The following SCN3B variants were observed in gnomAD, a reference collection of about 807,000 sequenced individuals.
SCN3B encodes sodium voltage-gated channel beta subunit 3.
A neutral mutation model predicts 25.4 loss-of-function variants in SCN3B; 11 were observed. The observed-to-expected ratio is 0.43, with a 90% CI of 0.27 to 0.72. The LOEUF is 0.72. SCN3B is among the 30% of genes least tolerant of loss of function. The probability of loss-of-function intolerance (pLI) is 0.18; values close to 1 mark genes in which losing one functional copy is unlikely to be tolerated. For synonymous variants in SCN3B, 109 were observed against 110.7 expected (o/e 0.99, Z 0.09); for missense variants, 218 against 278.3 (o/e 0.78, Z 1.54).
chr11:123,653,340 T>TA (rs202062260), intron 2 of SCN3B, among the ~76,000 whole-genome samples: 1,837 of 146,098 alleles, frequency 0.013, 16 homozygotes, highest in Non-Finnish European at 0.02. Flanking sequence ...TTTTTTTTTT[T>TA]AATATACAGA....
intron 2 of SCN3B, among the ~76,000 whole-genome samples, chr11:123,648,957 A>G (rs1485026490): frequency 6.6e-6 from 1 of 151,610 alleles, no homozygotes; most frequent in African/African-American, 2.4e-5. Context: ...GGAGCAGCAG[A>G]AGGTTCTGAG....
rs939570830 is a variant in SCN3B at position 123,630,162 on chromosome 11, T to C, written c.*3637A>G. The C allele has an allele frequency of 6.6e-6, 1 of 152,356 alleles. No individual in the cohort carries two copies. The highest frequency in any genetic ancestry group is 1.9e-4 in the East Asian group (1 of 5,200). The allele number at this position is 152,356 out of a possible 1,614,324, so 9.4% of individuals were successfully genotyped here. On this transcript the variant is annotated 3_prime_UTR_variant, in exon 7 of 7. Transcript: ENST00000299333. ...AAGGAAGTCTGGGTGTGTGGGTGTCTGGGAATGGAGAAACTAAAAGGTCAT... is the reference window on the plus strand; with the variant it reads ...AAGGAAGTCTGGGTGTGTGGGTGTCCGGGAATGGAGAAACTAAAAGGTCAT...
At position 123,632,896 on chromosome 11, in the gene SCN3B, T is replaced by A. The variant is rs1026893221; in HGVS notation, c.*903A>T. The A allele has an allele frequency of 2.6e-5, 4 of 152,202 alleles. No homozygotes were observed. The highest frequency in any genetic ancestry group is 1.5e-5 in the Non-Finnish European group (1 of 68,036). 9.4% of individuals were successfully genotyped at this position (152,202 alleles called of 1,614,324 possible). ...CTCCAGTTTATCCTCTTAAGCCTCT[T>A]ATTCAGTTGAGCCCTGTATGAGTCT... is the stretch of plus-strand genomic sequence containing the variant. On this transcript the variant is annotated 3_prime_UTR_variant, in exon 7 of 7. Transcript: ENST00000299333.
chr11:123,634,929 G>A (rs1955709155), intron 5 of SCN3B, among the ~76,000 whole-genome samples: 1 of 152,098 alleles, frequency 6.6e-6, no homozygotes, highest in African/African-American at 2.4e-5. Flanking sequence ...TCTCTTGTTT[G>A]TCTAGGAATT....
At chr11:123,653,515 CG>C (rs1955956138) in intron 2 of SCN3B, among the ~76,000 whole-genome samples, 1 of 151,912 alleles carries the variant, frequency 6.6e-6, no homozygotes, top group Non-Finnish European at 1.5e-5. Context: ...GGAGGAAGGG[CG>C]GAAGAACCAC....
chr11:123,637,624 G>A (rs1198848209), intron 5 of SCN3B, among the ~76,000 whole-genome samples: 1 of 152,114 alleles, frequency 6.6e-6, no homozygotes, highest in Non-Finnish European at 1.5e-5. Context: ...CGCCTCCCAG[G>A]TTCAAGGGAT....
intron 2 of SCN3B, among the ~76,000 whole-genome samples, chr11:123,647,270 G>T (rs1955864598): frequency 6.6e-6 from 1 of 152,050 alleles, no homozygotes; most frequent in South Asian, 2.1e-4. Context: ...GATGTTAGGG[G>T]TCTGAGACAA....
chr11:123,648,673 C>T (rs752952155), intron 2 of SCN3B, among the ~76,000 whole-genome samples: 3 of 151,994 alleles, frequency 2.0e-5, no homozygotes, highest in Non-Finnish European at 4.4e-5. Flanking sequence ...ATTGAGCAGG[C>T]GCTGAAGAAA....
In SCN3B at chr11:123,642,776, A is replaced by T; in HGVS notation, c.220-105T>A. Reference sequence around the variant, plus strand: ...AGAAAAGGAGCAGAATTGTGCATGGACAGGGAAGAGAGGGGACAATGCCAC... The same window carrying T: ...AGAAAAGGAGCAGAATTGTGCATGGTCAGGGAAGAGAGGGGACAATGCCAC... On this transcript the variant is annotated intron_variant, in intron 3 of 6. Transcript: ENST00000299333. The surrounding 1 kb of genome is among the most constrained non-coding windows in gnomAD (Gnocchi z 4.3). The T allele has an allele frequency of 4.6e-6, 4 of 869,014 alleles. No individual in the cohort carries two copies. Among genetic ancestry groups the T allele is most frequent in the African/African-American group, 1.7e-5 (1 of 60,400 alleles). 53.8% of individuals were successfully genotyped at this position (869,014 alleles called of 1,614,324 possible).
chr11:123,644,800 A>AGAATATATATAT (rs1272015067), intron 3 of SCN3B, among the ~76,000 whole-genome samples: 1 of 45,576 alleles, frequency 2.2e-5, no homozygotes, highest in Non-Finnish European at 4.1e-5. Flanking sequence ...AGAGAGAGAG[A>AGAATATATATAT]ATATATATAT....
At chr11:123,648,909 G>C (rs1369596071) in intron 2 of SCN3B, among the ~76,000 whole-genome samples, 1 of 152,210 alleles carries the variant, frequency 6.6e-6, no homozygotes, top group Non-Finnish European at 1.5e-5. Flanking sequence ...GGCCATGTTA[G>C]AACCTTGGCA....
chr11:123,649,629 C>T (rs1955897330), intron 2 of SCN3B, among the ~76,000 whole-genome samples: 8 of 141,340 alleles, frequency 5.7e-5, no homozygotes, highest in Non-Finnish European at 4.5e-5. Context: ...TTTCTTTTTT[C>T]TTTCTTTCTT....
At position 123,653,796 on chromosome 11, in the gene SCN3B, A is replaced by G. The variant is rs769826959; in HGVS notation, c.6T>C (p.Pro2=). 8 of 1,614,128 alleles carry G rather than the reference A, an allele frequency of 5.0e-6. No individual in the cohort carries two copies. The highest frequency in any genetic ancestry group is 6.8e-6 in the Non-Finnish European group (8 of 1,180,052). The change falls in exon 2 of 7, where the codon CCT becomes CCC. Residue 2 remains proline, a synonymous_variant. Coordinates refer to ENST00000299333, the MANE Select transcript of SCN3B (RefSeq NM_001040151.2). M[P]AFNRLFPLAS... ...CCAGGGGAAACAATCTATTGAAGGC[A>G]GGCATCTTCTGGGGCTGGCGGCTTC... is the stretch of plus-strand genomic sequence containing the variant.
At position 123,630,823 on chromosome 11, in the gene SCN3B, A is replaced by G. The variant is rs1240347406; in HGVS notation, c.*2976T>C. 6.6e-6 allele frequency: 1 copy of G among 152,254 alleles called. No homozygotes were observed. The highest frequency in any genetic ancestry group is 1.5e-5 in the Non-Finnish European group (1 of 68,058). The allele number at this position is 152,254 out of a possible 1,614,324, so 9.4% of individuals were successfully genotyped here. ...GTGAGAGAAGATGGAGAACATTAGGACAGGCAAGATAGGCAATGGTTAGAT... is the reference window on the plus strand; with the variant it reads ...GTGAGAGAAGATGGAGAACATTAGGGCAGGCAAGATAGGCAATGGTTAGAT... On this transcript the variant is annotated 3_prime_UTR_variant, in exon 7 of 7. Coordinates refer to ENST00000299333, the MANE Select transcript of SCN3B (RefSeq NM_001040151.2).
Position 123,654,330 on chromosome 11 carries a change from T to A in SCN3B, c.-130A>T, listed in dbSNP as rs1955967503. 6.2e-6 allele frequency: 1 copy of A among 161,706 alleles called. No individual in the cohort carries two copies. Among genetic ancestry groups the A allele is most frequent in the African/African-American group, 2.4e-5 (1 of 41,576 alleles). The allele number at this position is 161,706 out of a possible 1,614,324, so 10.0% of individuals were successfully genotyped here. On this transcript the variant is annotated 5_prime_UTR_variant, in exon 1 of 7. Transcript: ENST00000299333. ...CTTCTCCAGCTGGGCGTGACCCCACTCCCGAAGCCGCCGGGGCCGCCCGTC... is the reference window on the plus strand; with the variant it reads ...CTTCTCCAGCTGGGCGTGACCCCACACCCGAAGCCGCCGGGGCCGCCCGTC...
rs775194985 is a variant in SCN3B, at chr11:123,642,582, C to A, written c.309G>T (p.Val103=). 1 of 1,614,202 alleles carries A rather than the reference C, an allele frequency of 6.2e-7. No homozygotes were observed. Among genetic ancestry groups the A allele is most frequent in the Non-Finnish European group, 8.5e-7 (1 of 1,180,022 alleles). The change falls in exon 4 of 7, where the codon GTG becomes GTT. Residue 103 remains valine (V), a synonymous_variant. Transcript: ENST00000299333. The surrounding 1 kb of genome is among the most constrained non-coding windows in gnomAD (Gnocchi z 4.3). ...QWNGSKDLQD[V]SITVLNVTLN... is the part of the protein sequence containing the mutation. ...GAGTGACGTTGAGCACAGTGATGGA[C>A]ACGTCCTGCAGGTCCTTGCTGCCAT...
At chr11:123,644,803 ATATATATATATATATATATATAT>A (rs1181225064) in intron 3 of SCN3B, among the ~76,000 whole-genome samples, 12 of 23,884 alleles carry the variant, frequency 5.0e-4, no homozygotes, top group South Asian at 1.9e-3. Flanking sequence ...GAGAGAGAAT[ATATATATATATATATATATATAT>A]ATATATATAT....
At chr11:123,645,458 A>AGTGTTT in intron 3 of SCN3B, 129 bp downstream of exon 3, 1 of 991,962 alleles carries the variant, frequency 1.0e-6, no homozygotes. Context: ...TTATCTGCTG[A>AGTGTTT]GGATCTGTCA....
rs371690210 is a variant in SCN3B, at chr11:123,644,766, T to TGAGA, written c.219+817_219+820dup. Among the ~76,000 whole-genome samples, 270 of 94,604 alleles carry TGAGA rather than the reference T, an allele frequency of 2.9e-3. 1 individual carries two copies. Among genetic ancestry groups the TGAGA allele is most frequent in the African/African-American group, 8.4e-3 (224 of 26,796 alleles). The allele number at this position is 94,604 out of a possible 152,430, so 62.1% of individuals were successfully genotyped here. ...GCTGGGTGACAGAGGGAGACCCCGTTGAGAGAGAGAGAGAGAGAGAGAGAG... is the reference window on the plus strand; with the variant it reads ...GCTGGGTGACAGAGGGAGACCCCGTTGAGAGAGAGAGAGAGAGAGAGAGAGAGAG... On this transcript the variant is annotated intron_variant, in intron 3 of 6. Transcript: ENST00000299333.
Sources: gnomAD v4.1 joint callset for allele counts (sites outside exome capture counted in the v4.1 genomes callset) on GRCh38, gnomAD v4.1.1 for gene constraint, Gnocchi (gnomAD v3.1) non-coding constraint, MANE v1.5 for transcripts, NCBI Gene and HGNC (gene_info 2026-07-23, HGNC 2026-07-21) for gene names.